USH2A: variants seen among roughly 807,000 people sequenced by gnomAD.
The protein encoded by USH2A is usherin.
USH2A carries 443 observed loss-of-function variants against 538.9 expected under a neutral mutation model. That is an observed-to-expected ratio of 0.82 (90% CI 0.76 to 0.89). USH2A has a LOEUF of 0.89. Ranked by LOEUF, USH2A falls within the 40% of genes least tolerant of loss-of-function variation. The pLI is 0.00. For synonymous variants in USH2A, 2,413 were observed against 2,273.5 expected, an observed-to-expected ratio of 1.06 and a Z score of -1.75; for missense variants, 6,633 against 6,324.8, an observed-to-expected ratio of 1.05 and a Z score of -1.65.
At position 215,674,719 on chromosome 1, in the gene USH2A, A is replaced by G; in HGVS notation, c.13192T>C (p.Ser4398Pro). The G allele has an allele frequency of 6.2e-7, 1 of 1,613,938 alleles. No homozygotes were observed. The highest frequency in any genetic ancestry group is 8.5e-7 in the Non-Finnish European group (1 of 1,179,980). The change falls in exon 63 of 72, where the codon TCC becomes CCC. Residue 4398 changes from serine (S) to proline (P), a missense_variant. Ser to Pro is a moderately conservative substitution (Grantham distance 74, BLOSUM62 -1). Coordinates refer to ENST00000307340, the MANE Select transcript of USH2A (RefSeq NM_206933.4). ...KYLVRYDNKE[S>P]LAGQGLCLLV... ...AGGCACAGGCCCTGGCCAGCAAGGG[A>G]CTCTTTATTATCATATCTAACTAAA...
In USH2A at chr1:215,878,920, C is replaced by A; in HGVS notation, c.8402G>T (p.Gly2801Val). Residue 2801 changes from glycine (G) to valine (V), a missense_variant, in exon 42 of 72, where the codon GGG (glycine) becomes GTG (valine). Gly to Val is a moderately radical substitution (Grantham distance 109). Transcript: ENST00000307340. ...VTIVACSGGN[G>V]YLGGCTESLP... is the part of the protein sequence containing the mutation. ...ACTCTCTGTGCACCCTCCAAGGTAC[C>A]CATTACCCCCTGAGCAAGCAACAAT... The A allele has an allele frequency of 1.2e-6, 2 of 1,613,888 alleles. No homozygotes were observed. The highest frequency in any genetic ancestry group is 1.7e-6 in the Non-Finnish European group (2 of 1,179,952).
At chr1:215,707,843 T>C (rs773212977) in intron 61 of USH2A, among the ~76,000 whole-genome samples, 3 of 152,150 alleles carry the variant, frequency 2.0e-5, no homozygotes, top group Non-Finnish European at 4.4e-5. Context: ...ACTGAAGGTG[T>C]ATACACAAGA....
chr1:216,288,773 C>T (rs753175913), intron 11 of USH2A, among the ~76,000 whole-genome samples: 50 of 151,948 alleles, frequency 3.3e-4, no homozygotes, highest in Non-Finnish European at 1.5e-4. Flanking sequence ...GGCTAGACAT[C>T]GATATTTGTG....
chr1:216,257,244 T>C (rs1036763594), intron 11 of USH2A, among the ~76,000 whole-genome samples: 1 of 151,966 alleles, frequency 6.6e-6, no homozygotes, highest in African/African-American at 2.4e-5. Flanking sequence ...TTTCATTATA[T>C]GTATTGCAAA....
Position 216,246,773 on chromosome 1 carries a change from A to G in USH2A, c.2621T>C (p.Val874Ala), listed in dbSNP as rs2036055708. Residue 874 changes from valine (V) to alanine (A), a missense_variant, in exon 13 of 72, where the codon GTA (valine) becomes GCA (alanine). By Grantham distance (64) the Val-to-Ala change is moderately conservative. Transcript: ENST00000307340. ...STGQCPCKLGVTGLRCNQCEP... is the reference protein window; with the variant it reads ...STGQCPCKLGATGLRCNQCEP... Reference sequence around the variant, plus strand: ...ACACTGATTACAGCGAAGACCTGTTACCCCTAATTTGCAAGGACATTGTCC... The same window carrying G: ...ACACTGATTACAGCGAAGACCTGTTGCCCCTAATTTGCAAGGACATTGTCC... The G allele has an allele frequency of 4.3e-6, 7 of 1,613,982 alleles. No individual in the cohort carries two copies. The highest frequency in any genetic ancestry group is 5.9e-6 in the Non-Finnish European group (7 of 1,179,980).
At chr1:216,066,535 A>C (rs2031377278) in intron 30 of USH2A, among the ~76,000 whole-genome samples, 1 of 152,142 alleles carries the variant, frequency 6.6e-6, no homozygotes, top group South Asian at 2.1e-4. Flanking sequence ...ATTAAGCATA[A>C]TGTTACACAC....
Position 215,629,424 on chromosome 1 carries a change from A to G in USH2A, c.15298-389T>C, listed in dbSNP as rs79501231. ...GTATCTTCTTCATACATGTCAGCAC[A>G]GAGCCTCCCTCTTGAGAACACTCCT... On this transcript the variant is annotated intron_variant, in intron 70 of 71. Transcript: ENST00000307340. Among the ~76,000 whole-genome samples the G allele has an allele frequency of 6.1e-3, 926 of 152,308 alleles. 24 individuals are homozygous for G. The South Asian group carries it at 0.071, about 12-fold the overall frequency.
chr1:215,974,283 A>T (rs1303516318), intron 35 of USH2A, among the ~76,000 whole-genome samples: 1 of 152,188 alleles, frequency 6.6e-6, no homozygotes, highest in Non-Finnish European at 1.5e-5. Flanking sequence ...GGACATTTTA[A>T]ACTGAAGCCT....
chr1:215,981,608 C>T (rs1667754417), intron 35 of USH2A, among the ~76,000 whole-genome samples: 1 of 152,102 alleles, frequency 6.6e-6, no homozygotes, highest in African/African-American at 2.4e-5. Flanking sequence ...GAGGACTCCT[C>T]AGGATATAAC....
At chr1:216,264,778 G>A (rs1286991611) in intron 11 of USH2A, among the ~76,000 whole-genome samples, 3 of 152,018 alleles carry the variant, frequency 2.0e-5, no homozygotes, top group Non-Finnish European at 4.4e-5. Flanking sequence ...TACTGCCAAC[G>A]GGTTTTCAAC....
chr1:215,784,054 A>G (rs536580023), intron 52 of USH2A, among the ~76,000 whole-genome samples: 1 of 152,100 alleles, frequency 6.6e-6, no homozygotes, highest in East Asian at 1.9e-4. Flanking sequence ...TTCCTTTTCC[A>G]TTTTTTTCTG....
chr1:215,715,584 C>T (rs1659459803), intron 61 of USH2A, among the ~76,000 whole-genome samples: 1 of 152,118 alleles, frequency 6.6e-6, no homozygotes, highest in Non-Finnish European at 1.5e-5. Context: ...CCAGAGGGGA[C>T]AGTGCTCTTG....
At chr1:215,982,747 ATGGT>A (rs1667778949) in intron 35 of USH2A, among the ~76,000 whole-genome samples, 1 of 152,190 alleles carries the variant, frequency 6.6e-6, no homozygotes, top group Non-Finnish European at 1.5e-5. Flanking sequence ...CAGAACAGTC[ATGGT>A]TACTTCCTTC....
chr1:216,210,913 G>A (rs1253588258), intron 15 of USH2A, among the ~76,000 whole-genome samples: 3 of 151,520 alleles, frequency 2.0e-5, no homozygotes, highest in South Asian at 2.1e-4. Flanking sequence ...CCCGGGAGTC[G>A]GAAGTTGCAG....
intron 61 of USH2A, among the ~76,000 whole-genome samples, chr1:215,685,596 G>A (rs1658399312): frequency 6.6e-6 from 1 of 152,040 alleles, no homozygotes; most frequent in Admixed American, 6.6e-5. Context: ...GACTTCAGGT[G>A]ATCCACCCGC....
Position 216,207,422 on chromosome 1 carries a change from T to A in USH2A, c.3167A>T (p.Gln1056Leu), listed in dbSNP as rs749351962. ...NLLGCSKTPF[Q>L]QPPPRGQVQS... ...AACTTGTCCTCTGGGCGGAGGTTGCTGGAATGGAGCTAAATTACAATGAAG... is the reference window on the plus strand; with the variant it reads ...AACTTGTCCTCTGGGCGGAGGTTGCAGGAATGGAGCTAAATTACAATGAAG... The change falls in exon 16 of 72, where the codon CAG becomes CTG. Residue 1056 changes from glutamine (Q) to leucine (L), a missense_variant. Transcript: ENST00000307340. 1 of 1,613,992 alleles carries A rather than the reference T, an allele frequency of 6.2e-7. No individual in the cohort carries two copies. Among genetic ancestry groups the A allele is most frequent in the African/African-American group, 1.3e-5 (1 of 75,056 alleles).
intron 52 of USH2A, among the ~76,000 whole-genome samples, chr1:215,783,364 T>C (rs1661703890): frequency 6.6e-6 from 1 of 152,186 alleles, no homozygotes; most frequent in Non-Finnish European, 1.5e-5. Flanking sequence ...ACTTAAAAAA[T>C]TTTAAATCAT....
At chr1:216,030,021 T>C (rs1253286402) in intron 32 of USH2A, among the ~76,000 whole-genome samples, 1 of 147,510 alleles carries the variant, frequency 6.8e-6, no homozygotes. Context: ...ATATATGATA[T>C]ATATCACAGA....
intron 4 of USH2A, among the ~76,000 whole-genome samples, chr1:216,350,478 A>G (rs2038260800): frequency 6.6e-6 from 1 of 152,178 alleles, no homozygotes; most frequent in South Asian, 2.1e-4. Context: ...TATAATTCAG[A>G]TACAAGCATT....
Sources: gnomAD v4.1 joint callset for allele counts (sites outside exome capture counted in the v4.1 genomes callset) on GRCh38, gnomAD v4.1.1 for gene constraint, MANE v1.5 for transcripts, NCBI Gene and HGNC (gene_info 2026-07-23, HGNC 2026-07-21) for gene names.